The following MROH1 variants were observed in gnomAD, a reference collection of about 807,000 sequenced individuals.
The protein encoded by MROH1 is maestro heat like repeat family member 1, also known as maestro heat-like repeat-containing protein family member 1.
MROH1 carries 117 observed loss-of-function variants against 116.5 expected under a neutral mutation model. The observed-to-expected ratio is 1.00, with a 90% CI of 0.86 to 1.17. The LOEUF is 1.17. MROH1 is among the 50% of genes most tolerant of loss of function. The pLI, the probability that MROH1 is intolerant of heterozygous loss-of-function variation, is 0.00. For missense variants in MROH1, 1,873 were observed against 1,338.5 expected, an observed-to-expected ratio of 1.40 and a Z score of -6.23; for synonymous variants, 921 against 583.9, an observed-to-expected ratio of 1.58 and a Z score of -8.32.
intron 34 of MROH1, 71 bp downstream of exon 34, chr8:144,255,049 C>G: frequency 1.5e-6 from 1 of 682,818 alleles, no homozygotes; most frequent in East Asian, 2.7e-5. Flanking sequence ...CGGGGGCAGG[C>G]CTTTTGATGA....
At chr8:144,201,475 C>T (rs1056822691) in intron 12 of MROH1, among the ~76,000 whole-genome samples, 10 of 152,188 alleles carry the variant, frequency 6.6e-5, no homozygotes, top group Non-Finnish European at 1.3e-4. Flanking sequence ...CATGGCCCAC[C>T]GGCCCTGCAG....
At chr8:144,152,105 A>C (rs1041367985) in intron 1 of MROH1, among the ~76,000 whole-genome samples, 19 of 152,240 alleles carry the variant, frequency 1.2e-4, no homozygotes, top group African/African-American at 4.3e-4. Context: ...CTATATACCT[A>C]TGATAAAGTT....
chr8:144,203,448 G>T (rs1449450356), intron 12 of MROH1, among the ~76,000 whole-genome samples: 1 of 150,382 alleles, frequency 6.6e-6, no homozygotes. Flanking sequence ...GGAGGGGAGC[G>T]CCCCCTCTGG....
At chr8:144,218,342 C>CT (rs1835734721) in intron 12 of MROH1, among the ~76,000 whole-genome samples, 1 of 152,112 alleles carries the variant, frequency 6.6e-6, no homozygotes, top group Non-Finnish European at 1.5e-5. Flanking sequence ...TCCAAGCATT[C>CT]TACCTGTTCC....
rs1265309931 is a variant in MROH1, at chr8:144,180,783, T to TG, written c.562+266dup. Among the ~76,000 whole-genome samples, 2 of 152,116 alleles carry TG rather than the reference T, an allele frequency of 1.3e-5. No homozygotes were observed. Among genetic ancestry groups the TG allele is most frequent in the African/African-American group, 4.8e-5 (2 of 41,434 alleles). On this transcript the variant is annotated intron_variant, in intron 7 of 43. Coordinates refer to ENST00000326134, the MANE Select transcript of MROH1 (RefSeq NM_032450.3). The surrounding 1 kb of genome is among the most constrained non-coding windows in gnomAD (Gnocchi z 7.4). ...GGGTCCACTGAGGGCTGGACGTGCC[T>TG]GGGGGGTAGGAAGAGACTTCCTCGA...
intron 11 of MROH1, 41 bp from the exon 12 acceptor site, chr8:144,200,387 C>T (rs749619673): frequency 5.3e-5 from 78 of 1,466,054 alleles, no homozygotes; most frequent in Non-Finnish European, 9.2e-6. Context: ...TAGGGATGAA[C>T]AAGATGACAT....
intron 14 of MROH1, among the ~76,000 whole-genome samples, chr8:144,233,251 C>G (rs1839285803): frequency 1.3e-5 from 2 of 152,038 alleles, no homozygotes; most frequent in Non-Finnish European, 2.9e-5. Flanking sequence ...GTGGAGCCAT[C>G]ACCACCTTCC....
chr8:144,180,413 C>T lies in MROH1; in HGVS notation c.464-12C>T. 1 of 1,612,950 alleles carries T rather than the reference C, an allele frequency of 6.2e-7. No individual in the cohort carries two copies. Among genetic ancestry groups the T allele is most frequent in the African/African-American group, 1.3e-5 (1 of 75,050 alleles). On this transcript the variant is annotated splice_polypyrimidine_tract_variant and intron_variant, in intron 6 of 43. Transcript: ENST00000326134. The surrounding 1 kb of genome is among the most constrained non-coding windows in gnomAD (Gnocchi z 7.4). ...CCTTGGCGGAGGCCTTTGACGGTGT[C>T]CTCTCTCACAGCGTTCGGCGTAGTC...
intron 7 of MROH1, among the ~76,000 whole-genome samples, chr8:144,183,482 C>T (rs894560988): frequency 9.9e-5 from 15 of 151,098 alleles, no homozygotes; most frequent in African/African-American, 3.7e-4. Flanking sequence ...TGCCGAATAC[C>T]TGGAATGCTG....
chr8:144,167,411 T>G (rs1321547217), intron 3 of MROH1, among the ~76,000 whole-genome samples: 1 of 116,278 alleles, frequency 8.6e-6, no homozygotes, highest in Non-Finnish European at 1.7e-5. Flanking sequence ...GGCCGGTTGT[T>G]GGGGTGGAGT....
intron 1 of MROH1, among the ~76,000 whole-genome samples, chr8:144,157,677 C>CTTTTTT (rs1164415639): frequency 8.5e-5 from 10 of 117,918 alleles, no homozygotes; most frequent in Non-Finnish European, 1.4e-4. Flanking sequence ...TTCTTTCTTT[C>CTTTTTT]TTTTTTTTTT....
chr8:144,255,411 ATGATG>A, intron 34 of MROH1, 93 bp from the exon 35 acceptor site: 1 of 703,674 alleles, frequency 1.4e-6, no homozygotes, highest in Non-Finnish European at 2.7e-6. Context: ...CTCCGAGCAC[ATGATG>A]CAGGCGAAGG....
intron 12 of MROH1, among the ~76,000 whole-genome samples, chr8:144,212,718 T>G (rs1029428698): frequency 6.6e-6 from 1 of 150,438 alleles, no homozygotes; most frequent in Admixed American, 6.7e-5. Flanking sequence ...GCCTCCCTAC[T>G]AGCTGGGACT....
intron 33 of MROH1, chr8:144,250,755 G>C (rs944003824): frequency 1.3e-5 from 5 of 371,912 alleles, no homozygotes; most frequent in African/African-American, 2.1e-5. Context: ...TCCTCTGCAG[G>C]GCATCCACTG....
At chr8:144,151,247 C>CAAAAA (rs1160118892) in intron 1 of MROH1, among the ~76,000 whole-genome samples, 2 of 22,964 alleles carry the variant, frequency 8.7e-5, no homozygotes, top group African/African-American at 1.3e-4. Flanking sequence ...TATTCTGTCT[C>CAAAAA]AAAAAAAAAA....
intron 12 of MROH1, among the ~76,000 whole-genome samples, chr8:144,206,356 T>C (rs1316172187): frequency 6.6e-6 from 1 of 152,206 alleles, no homozygotes; most frequent in African/African-American, 2.4e-5. Flanking sequence ...CTAAGTTGTA[T>C]TCTGTTACAT....
intron 14 of MROH1, among the ~76,000 whole-genome samples, chr8:144,236,155 GA>G (rs1840000266): frequency 5.9e-5 from 9 of 152,310 alleles, no homozygotes; most frequent in Admixed American, 5.9e-4. Context: ...TACTTTCAAA[GA>G]ATTGAGACCA....
chr8:144,191,519 T>C (rs1166238366), intron 8 of MROH1, among the ~76,000 whole-genome samples, 196 bp from the exon 9 acceptor site: 1 of 152,176 alleles, frequency 6.6e-6, no homozygotes, highest in Admixed American at 6.5e-5. Flanking sequence ...ACAAACCCCC[T>C]GGGCCTGGCC....
intron 14 of MROH1, among the ~76,000 whole-genome samples, chr8:144,224,673 T>C (rs1837464137): frequency 6.6e-6 from 1 of 152,204 alleles, no homozygotes; most frequent in South Asian, 2.1e-4. Flanking sequence ...TACTTTTGCA[T>C]GTTTCAAATT....
Sources: allele counts gnomAD v4.1 joint callset (sites outside exome capture counted in the v4.1 genomes callset), GRCh38; gene constraint gnomAD v4.1.1; non-coding constraint Gnocchi (gnomAD v3.1); transcripts MANE v1.5; gene names NCBI Gene and HGNC (gene_info 2026-07-23, HGNC 2026-07-21).